The following CLN3 variants were observed in gnomAD, a reference collection of about 807,000 sequenced individuals.
CLN3 encodes battenin.
In CLN3, 49 loss-of-function variants were observed where a neutral mutation model predicts 60.7. The observed-to-expected ratio is 0.81, with a 90% CI of 0.64 to 1.02. CLN3 has a LOEUF of 1.02. CLN3 is among the 50% of genes least tolerant of loss of function. The pLI is 0.00. For missense variants in CLN3, 516 were observed against 557.4 expected (o/e 0.93, Z 0.75); for synonymous variants, 256 against 245.8 (o/e 1.04, Z -0.39).
downstream of CLN3, chr16:28,470,522 ACCGGGGC>A (rs2045939412): frequency 1.3e-6 from 1 of 751,760 alleles, no homozygotes; most frequent in Non-Finnish European, 1.9e-6. Flanking sequence ...GGGGACGGGG[ACCGGGGC>A]CGGATCTGAG....
rs1057516343 is a variant in CLN3 at position 28,491,713 on chromosome 16, C to T, written c.46+1G>A. On this transcript the variant is annotated splice_donor_variant, in intron 2 of 15. Coordinates refer to ENST00000636147, the MANE Select transcript of CLN3 (RefSeq NM_001042432.2). LOFTEE classifies it high-confidence loss of function. ...CCATGAGGGTGGGCGGGAATACTCA[C>T]CCTCGGAATCCGAAAAGCGCCGCCG... 2 of 1,614,094 alleles carry T rather than the reference C, an allele frequency of 1.2e-6. No homozygotes were observed. The highest frequency in any genetic ancestry group is 1.7e-6 in the Non-Finnish European group (2 of 1,180,004).
chr16:28,474,755 T>C (rs1482318716), downstream of CLN3, among the ~76,000 whole-genome samples: 3 of 152,148 alleles, frequency 2.0e-5, no homozygotes, highest in Non-Finnish European at 4.4e-5. Flanking sequence ...GCATGATTCA[T>C]AGTTAAGTCA....
intron 10 of CLN3, 70 bp downstream of exon 10, chr16:28,483,936 T>C: frequency 9.4e-7 from 1 of 1,067,268 alleles, no homozygotes; most frequent in Non-Finnish European, 1.4e-6. Context: ...TAACTTTGCC[T>C]ATTGCAGAGA....
chr16:28,469,787 C>G (rs1197819007), downstream of CLN3: 5 of 360,840 alleles, frequency 1.4e-5, no homozygotes, highest in Non-Finnish European at 2.6e-5. Context: ...GAGATGGAGA[C>G]TATCCTGGCG....
chr16:28,468,761 C>A, the CLN3 span, among the ~76,000 whole-genome samples: 1 of 115,338 alleles, frequency 8.7e-6, no homozygotes, highest in Non-Finnish European at 2.0e-5. Flanking sequence ...GAGCCGAGAT[C>A]GCACCACTGC....
intron 9 of CLN3, among the ~76,000 whole-genome samples, chr16:28,485,390 A>T (rs1428830465): frequency 6.7e-6 from 1 of 148,278 alleles, no homozygotes; most frequent in Non-Finnish European, 1.5e-5. Context: ...AATACAGTGA[A>T]ACCCCGTCTC....
At chr16:28,470,896 ACCTTCTTCGGT>A (rs2045946130), downstream of CLN3, among the ~76,000 whole-genome samples, 2 of 112,502 alleles carry the variant, frequency 1.8e-5, no homozygotes, top group Admixed American at 1.9e-4. Flanking sequence ...TATCCGCCAA[ACCTTCTTCGGT>A]CTGGGCCCTC....
At chr16:28,490,759 C>CAAAAA (rs772260404) in intron 3 of CLN3, among the ~76,000 whole-genome samples, 1 of 55,078 alleles carries the variant, frequency 1.8e-5, no homozygotes, top group Non-Finnish European at 3.6e-5. Context: ...GACTCCGTCT[C>CAAAAA]AAAAAAAAAA....
chr16:28,472,829 G>C (rs1201643902), downstream of CLN3, among the ~76,000 whole-genome samples: 6 of 151,302 alleles, frequency 4.0e-5, no homozygotes, highest in Admixed American at 2.0e-4. Flanking sequence ...AAAGGAGATG[G>C]GGTTTCACCG....
chr16:28,477,909 C>T (rs1389017731), intron 14 of CLN3, 32 bp from the exon 15 acceptor site: 11 of 1,612,080 alleles, frequency 6.8e-6, no homozygotes, highest in Non-Finnish European at 9.3e-6. Flanking sequence ...AAGCCTGGGA[C>T]CAGGGCGGGG....
chr16:28,484,189 A>G (rs2046164103), intron 9 of CLN3, 71 bp from the exon 10 acceptor site: 1 of 1,127,258 alleles, frequency 8.9e-7, no homozygotes, highest in Non-Finnish European at 1.3e-6. Flanking sequence ...CATCTAGGCC[A>G]CTTTTCCCAG....
chr16:28,477,645 C>G lies in CLN3; in HGVS notation c.1198-10G>C. 6.2e-7 allele frequency: 1 copy of G among 1,613,970 alleles called. No individual in the cohort carries two copies. Among genetic ancestry groups the G allele is most frequent in the Non-Finnish European group, 8.5e-7 (1 of 1,180,024 alleles). ...GGTGCTCATCACTGGTCTGGGAGGG[C>G]AGAGAGCAGGGGTGAGGCTTCAGTC... On this transcript the variant is annotated splice_polypyrimidine_tract_variant and intron_variant, in intron 15 of 15. Transcript: ENST00000636147.
chr16:28,477,756 A>G lies in CLN3; in HGVS notation c.1178T>C (p.Phe393Ser). ...LLGGAAYVNTFHNIALETSDE... is the reference protein window; with the variant it reads ...LLGGAAYVNTSHNIALETSDE... ...GCTGACCTCCAGGGCGATGTTGTGG[A>G]AGGTGTTCACGTAGGCTGCGCCTCC... Residue 393 changes from phenylalanine to serine, a missense_variant, in exon 15 of 16, where the codon TTC becomes TCC. Transcript: ENST00000636147. 1 of 1,614,148 alleles carries G rather than the reference A, an allele frequency of 6.2e-7. No individual in the cohort carries two copies. The highest frequency in any genetic ancestry group is 8.5e-7 in the Non-Finnish European group (1 of 1,180,030).
At chr16:28,472,241 C>T (rs1385706979), downstream of CLN3, among the ~76,000 whole-genome samples, 2 of 151,726 alleles carry the variant, frequency 1.3e-5, no homozygotes, top group African/African-American at 2.4e-5. Context: ...AGTGAGACAC[C>T]GTCTCTACCA....
Position 28,489,292 on chromosome 16 carries a change from G to A in CLN3, c.220C>T (p.His74Tyr), listed in dbSNP as rs745941670. 1.2e-6 allele frequency: 2 copies of A among 1,610,734 alleles called. No individual in the cohort carries two copies. The highest frequency in any genetic ancestry group is 2.2e-5 in the South Asian group (2 of 90,572). ...SHKRTSGNQS[H>Y]VDPGPTPIPH... ...GGTGGTGGTAGAGAGTCACTTACAT[G>A]GCTCTGGTTTCCCGATGTCCTCTTG... is the stretch of plus-strand genomic sequence containing the variant. The change falls in exon 4 of 16, where the codon CAT (histidine) becomes TAT (tyrosine). Residue 74 changes from histidine to tyrosine, a missense_variant and splice_region_variant. Coordinates refer to ENST00000636147, the MANE Select transcript of CLN3 (RefSeq NM_001042432.2).
chr16:28,486,703 C>T (rs1021889974), intron 7 of CLN3, 53 bp from the exon 8 acceptor site: 24 of 1,531,106 alleles, frequency 1.6e-5, no homozygotes, highest in Non-Finnish European at 2.0e-5. Context: ...CCACACTGCC[C>T]AGGCCTCTAA....
At chr16:28,481,642 C>G (rs2046097864) in intron 14 of CLN3, among the ~76,000 whole-genome samples, 1 of 152,050 alleles carries the variant, frequency 6.6e-6, no homozygotes, top group Non-Finnish European at 1.5e-5. Context: ...CTCAGTTTTG[C>G]TTGGCTCCTG....
At chr16:28,468,806 CAAAAAAAAAAAAA>C in the CLN3 span, among the ~76,000 whole-genome samples, 6 of 24,410 alleles carry the variant, frequency 2.5e-4, no homozygotes, top group African/African-American at 8.1e-4. Context: ...GACTCTGTCT[CAAAAAAAAAAAAA>C]AAAAAAAAAA....
At chr16:28,491,871 G>A in intron 1 of CLN3, 36 bp from the exon 2 acceptor site, 1 of 1,384,104 alleles carries the variant, frequency 7.2e-7, no homozygotes, top group Non-Finnish European at 1.0e-6. Context: ...CCCGATTGCC[G>A]GTCCCAGCTC....
Sources: allele counts gnomAD v4.1 joint callset (sites outside exome capture counted in the v4.1 genomes callset), GRCh38; gene constraint gnomAD v4.1.1; transcripts MANE v1.5; gene names NCBI Gene and HGNC (gene_info 2026-07-23, HGNC 2026-07-21).